Variants in PKIA observed in about 807,000 individuals in gnomAD.
PKIA encodes the protein PKI-alpha.
PKIA carries 4 observed loss-of-function variants against 7.6 expected under a neutral mutation model. The ratio of observed to expected loss-of-function variants is 0.52; its 90% CI spans 0.26 to 1.20. The LOEUF is 1.20. Among genes scored for constraint, PKIA ranks in the 50% most tolerant of loss-of-function variants. The pLI is 0.13. For synonymous variants in PKIA, 21 were observed against 30.7 expected, an observed-to-expected ratio of 0.68 and a Z score of 1.04; for missense variants, 73 against 86.2, an observed-to-expected ratio of 0.85 and a Z score of 0.61.
At chr8:78,591,675 C>G (rs1012775476) in intron 2 of PKIA, among the ~76,000 whole-genome samples, 1 of 152,034 alleles carries the variant, frequency 6.6e-6, no homozygotes, top group East Asian at 1.9e-4. Context: ...TTTCCCTATC[C>G]CATAAGGCTG....
intron 1 of PKIA, among the ~76,000 whole-genome samples, chr8:78,568,328 C>G (rs1204630433): frequency 6.6e-6 from 1 of 152,086 alleles, no homozygotes; most frequent in African/African-American, 2.4e-5. Flanking sequence ...GTGTGAAAAT[C>G]AAATCGTAAT....
chr8:78,578,434 A>G (rs1807726949), intron 2 of PKIA, among the ~76,000 whole-genome samples: 1 of 152,008 alleles, frequency 6.6e-6, no homozygotes, highest in South Asian at 2.1e-4. Flanking sequence ...TGTATCTTAA[A>G]TGAACACTTT....
chr8:78,560,399 A>G (rs1238578154), intron 1 of PKIA, among the ~76,000 whole-genome samples: 1 of 152,216 alleles, frequency 6.6e-6, no homozygotes, highest in Non-Finnish European at 1.5e-5. Flanking sequence ...ACGTTTTTCT[A>G]TTCACACCTT....
intron 1 of PKIA, among the ~76,000 whole-genome samples, chr8:78,554,882 G>C (rs780306442): frequency 6.6e-6 from 1 of 152,006 alleles, no homozygotes; most frequent in Non-Finnish European, 1.5e-5. Flanking sequence ...GGTTTAAAGA[G>C]ACTAGTTTAA....
chr8:78,536,188 T>G (rs1215103200), intron 1 of PKIA, among the ~76,000 whole-genome samples: 2 of 152,132 alleles, frequency 1.3e-5, no homozygotes, highest in African/African-American at 4.8e-5. Context: ...AAATTTGTCC[T>G]ATTACTATTT....
intron 1 of PKIA, among the ~76,000 whole-genome samples, chr8:78,550,569 A>G (rs926533674): frequency 7.2e-5 from 11 of 152,084 alleles, no homozygotes; most frequent in African/African-American, 2.4e-4. Context: ...TTCAGATCTG[A>G]TTGCCAATGC....
At chr8:78,583,842 A>G (rs1367092872) in intron 2 of PKIA, among the ~76,000 whole-genome samples, 2 of 152,018 alleles carry the variant, frequency 1.3e-5, no homozygotes, top group African/African-American at 4.8e-5. Context: ...TTTATATCCC[A>G]CTGCTCAAAG....
intron 1 of PKIA, among the ~76,000 whole-genome samples, chr8:78,564,570 A>G (rs1807361211): frequency 6.6e-6 from 1 of 151,964 alleles, no homozygotes; most frequent in African/African-American, 2.4e-5. Context: ...TTGAAAAGTA[A>G]TTTGGCAATG....
At chr8:78,596,528 C>T (rs987480072) in intron 2 of PKIA, among the ~76,000 whole-genome samples, 2 of 152,092 alleles carry the variant, frequency 1.3e-5, no homozygotes, top group Non-Finnish European at 2.9e-5. Flanking sequence ...CGTGAGCCAC[C>T]GCTTGTTGAT....
intron 1 of PKIA, among the ~76,000 whole-genome samples, chr8:78,547,929 T>A (rs1806873870): frequency 6.6e-6 from 1 of 152,114 alleles, no homozygotes; most frequent in Admixed American, 6.6e-5. Context: ...AAATTCAGAA[T>A]TTTCATGTTC....
chr8:78,529,533 A>G (rs930253615), intron 1 of PKIA, among the ~76,000 whole-genome samples: 1 of 152,094 alleles, frequency 6.6e-6, no homozygotes, highest in Non-Finnish European at 1.5e-5. Flanking sequence ...AAAATTAAAA[A>G]TACTAATTTG....
chr8:78,568,488 C>CATTTCTCCCAGGT (rs1406823561), intron 1 of PKIA, among the ~76,000 whole-genome samples: 1 of 152,126 alleles, frequency 6.6e-6, no homozygotes, highest in Non-Finnish European at 1.5e-5. Flanking sequence ...GGAGTGGCTG[C>CATTTCTCCCAGGT]ATTTCTCCCA....
chr8:78,567,660 C>A (rs530666222), intron 1 of PKIA, among the ~76,000 whole-genome samples: 15 of 152,270 alleles, frequency 9.9e-5, no homozygotes, highest in African/African-American at 3.1e-4. Flanking sequence ...GCTCAGCCAA[C>A]AATAAGAAGC....
intron 2 of PKIA, among the ~76,000 whole-genome samples, chr8:78,586,520 T>A (rs1807953466): frequency 2.0e-5 from 3 of 152,086 alleles, no homozygotes; most frequent in Admixed American, 2.0e-4. Context: ...ACCTGGATAA[T>A]TAAACCAGAT....
In PKIA at chr8:78,603,268, T is replaced by C. The variant is rs1444808047; in HGVS notation, c.*1447T>C. On this transcript the variant is annotated 3_prime_UTR_variant, in exon 4 of 4. Transcript: ENST00000396418. ...AAATAGCAGACAATGGGAGTCCCTT[T>C]ACAATAACGAGCCCACTTAGCTGTC... 3 of 152,372 alleles carry C rather than the reference T, an allele frequency of 2.0e-5. No individual in the cohort carries two copies. The highest frequency in any genetic ancestry group is 2.9e-5 in the Non-Finnish European group (2 of 67,936). 9.4% of individuals were successfully genotyped at this position (152,372 alleles called of 1,614,324 possible).
At chr8:78,572,363 A>C (rs768435260) in intron 1 of PKIA, among the ~76,000 whole-genome samples, 9 of 151,936 alleles carry the variant, frequency 5.9e-5, no homozygotes, top group Non-Finnish European at 1.2e-4. Flanking sequence ...AACTAAATTT[A>C]GTCAAATTAA....
rs536599170 is a variant in PKIA, at chr8:78,590,646, A to ATT, written c.-27-7702_-27-7701dup. Among the ~76,000 whole-genome samples the ATT allele has an allele frequency of 6.6e-3, 970 of 147,012 alleles. 8 individuals carry two copies. The highest frequency in any genetic ancestry group is 0.016 in the African/African-American group (643 of 40,292). On this transcript the variant is annotated intron_variant, in intron 2 of 3. Coordinates refer to ENST00000396418, the MANE Select transcript of PKIA (RefSeq NM_006823.4). ...GTAAATCAATGCCATACTTGTCACTATTTTTTTTTTTGCTTTGGAGAATAT... is the reference window on the plus strand; with the variant it reads ...GTAAATCAATGCCATACTTGTCACTATTTTTTTTTTTTTGCTTTGGAGAATAT...
At chr8:78,526,027 A>G (rs898465035) in intron 1 of PKIA, among the ~76,000 whole-genome samples, 1 of 152,096 alleles carries the variant, frequency 6.6e-6, no homozygotes, top group Non-Finnish European at 1.5e-5. Flanking sequence ...AGTGTCTGAA[A>G]TATACATGGT....
intron 1 of PKIA, among the ~76,000 whole-genome samples, chr8:78,562,176 G>A (rs768071458): frequency 1.6e-4 from 24 of 152,136 alleles, no homozygotes; most frequent in Non-Finnish European, 3.4e-4. Flanking sequence ...GAAAATAGTT[G>A]AGTTTTCCTA....
Sources: gnomAD v4.1 joint callset for allele counts (sites outside exome capture counted in the v4.1 genomes callset) on GRCh38, gnomAD v4.1.1 for gene constraint, MANE v1.5 for transcripts, NCBI Gene and HGNC (gene_info 2026-07-23, HGNC 2026-07-21) for gene names.